NAA15: variants seen among roughly 807,000 people sequenced by gnomAD.
NAA15 encodes N-alpha-acetyltransferase 15, NatA auxiliary subunit.
Under a neutral mutation model 114.0 loss-of-function variants are expected in NAA15, and 34 were observed. The observed-to-expected ratio is 0.30, with a 90% CI of 0.23 to 0.40. The LOEUF (loss-of-function observed/expected upper bound fraction) is 0.40, where lower values mean the gene tolerates loss of function less well. Ranked by LOEUF, NAA15 falls within the 10% of genes least tolerant of loss-of-function variation. NAA15 has a pLI of 1.00. For synonymous variants in NAA15, 340 were observed against 338.0 expected (o/e 1.01, Z -0.06); for missense variants, 658 against 1,004.5 (o/e 0.66, Z 4.66).
In NAA15 at chr4:139,301,745, G is replaced by C. The variant is rs1168189900; in HGVS notation, c.-33G>C. 19 of 1,553,044 alleles carry C rather than the reference G, an allele frequency of 1.2e-5. No homozygotes were observed. The highest frequency in any genetic ancestry group is 2.4e-5 in the South Asian group (2 of 84,578). On this transcript the variant is annotated 5_prime_UTR_variant, in exon 1 of 20. Transcript: ENST00000296543. The stretch of plus-strand genomic sequence containing the variant: ...CGGACAAACTGACTGACCGAGCCGG[G>C]TGGTGGCGGGAGCAGCGGGAGCAGC...
intron 1 of NAA15, among the ~76,000 whole-genome samples, chr4:139,315,051 GTTAGTTTAGTTTAGTTTAGT>G (rs770420396): frequency 0.011 from 1,180 of 112,022 alleles, 45 homozygotes; most frequent in Non-Finnish European, 0.012. Flanking sequence ...GTTAGGTTAG[GTTAGTTTAGTTTAGTTTAGT>G]TTAGTTTTTG....
At chr4:139,343,337 T>C (rs1397548766) in intron 5 of NAA15, among the ~76,000 whole-genome samples, 2 of 152,216 alleles carry the variant, frequency 1.3e-5, no homozygotes, top group African/African-American at 4.8e-5. Context: ...TTAACACTGA[T>C]AGACTGTTAT....
intron 6 of NAA15, among the ~76,000 whole-genome samples, chr4:139,347,718 A>ATCTG (rs1179565926): frequency 6.6e-6 from 1 of 152,072 alleles, no homozygotes; most frequent in African/African-American, 2.4e-5. Context: ...CTCCATCACT[A>ATCTG]TCTGCAAGAC....
intron 11 of NAA15, among the ~76,000 whole-genome samples, chr4:139,358,686 T>G (rs540368368): frequency 6.6e-6 from 1 of 152,348 alleles, no homozygotes; most frequent in South Asian, 2.1e-4. Flanking sequence ...CTTTGCCAGA[T>G]GGACTAGTTA....
intron 17 of NAA15, among the ~76,000 whole-genome samples, chr4:139,380,629 T>C (rs1234441125): frequency 6.6e-6 from 1 of 152,190 alleles, no homozygotes; most frequent in Non-Finnish European, 1.5e-5. Flanking sequence ...TTACTGAGTA[T>C]CTATACTGGC....
intron 9 of NAA15, among the ~76,000 whole-genome samples, chr4:139,353,495 A>G (rs1056679318): frequency 1.3e-5 from 2 of 152,234 alleles, no homozygotes; most frequent in African/African-American, 4.8e-5. Flanking sequence ...GGAAGCCAGG[A>G]GCGAGTAGTA....
intron 6 of NAA15, among the ~76,000 whole-genome samples, chr4:139,348,547 G>A (rs1379321611): frequency 6.6e-6 from 1 of 151,970 alleles, no homozygotes; most frequent in Non-Finnish European, 1.5e-5. Flanking sequence ...AACAGAGAGT[G>A]AAGGATGCAA....
At chr4:139,311,056 C>A (rs1421611101) in intron 1 of NAA15, among the ~76,000 whole-genome samples, 1 of 151,414 alleles carries the variant, frequency 6.6e-6, no homozygotes, top group Non-Finnish European at 1.5e-5. Flanking sequence ...TTCTGGGTAG[C>A]TGGGACTACA....
chr4:139,324,095 G>T (rs930498744), intron 1 of NAA15, among the ~76,000 whole-genome samples: 1 of 152,034 alleles, frequency 6.6e-6, no homozygotes, highest in Non-Finnish European at 1.5e-5. Flanking sequence ...TGTTTCCCAG[G>T]GTTGTCTGGA....
intron 1 of NAA15, among the ~76,000 whole-genome samples, chr4:139,313,242 CT>C (rs1457430574): frequency 2.0e-5 from 3 of 151,762 alleles, no homozygotes; most frequent in African/African-American, 7.3e-5. Context: ...AATTCAAAAA[CT>C]TTTTTTTCCT....
intron 19 of NAA15, chr4:139,386,645 A>G (rs1262962640): frequency 6.5e-6 from 1 of 153,362 alleles, no homozygotes; most frequent in African/African-American, 2.4e-5. Flanking sequence ...AGCCAGGGCA[A>G]CATAGTGAGA....
intron 9 of NAA15, among the ~76,000 whole-genome samples, chr4:139,351,931 G>A (rs573483231): frequency 6.7e-6 from 1 of 148,760 alleles, no homozygotes; most frequent in African/African-American, 2.5e-5. Context: ...AGAAGCCAGA[G>A]TGTGCTTGTT....
chr4:139,340,189 G>A (rs1579106155), intron 3 of NAA15, among the ~76,000 whole-genome samples: 1 of 152,092 alleles, frequency 6.6e-6, no homozygotes, highest in Admixed American at 6.6e-5. Flanking sequence ...TGGCATGCTG[G>A]TGTGTGCCTG....
intron 11 of NAA15, among the ~76,000 whole-genome samples, chr4:139,359,300 G>C (rs193201008): frequency 5.3e-5 from 8 of 151,788 alleles, no homozygotes; most frequent in Non-Finnish European, 8.8e-5. Flanking sequence ...GGTTTACTTT[G>C]TATTTTTAGT....
At chr4:139,365,246 C>T (rs771829475) in intron 14 of NAA15, among the ~76,000 whole-genome samples, 3 of 152,174 alleles carry the variant, frequency 2.0e-5, no homozygotes, top group Admixed American at 6.5e-5. Flanking sequence ...CCATGTTGGT[C>T]GGGCTGGTCT....
At chr4:139,364,123 G>A (rs978221732) in intron 14 of NAA15, among the ~76,000 whole-genome samples, 2 of 152,182 alleles carry the variant, frequency 1.3e-5, no homozygotes, top group Admixed American at 6.5e-5. Context: ...TGATTCTCCT[G>A]CCTTGGTCTC....
At chr4:139,332,364 C>T (rs965505905) in intron 1 of NAA15, among the ~76,000 whole-genome samples, 8 of 151,674 alleles carry the variant, frequency 5.3e-5, no homozygotes, top group African/African-American at 1.5e-4. Flanking sequence ...CTTCTGACCT[C>T]GTGATCTGCC....
At chr4:139,351,458 A>G in intron 8 of NAA15, 47 bp from the exon 9 acceptor site, 1 of 1,216,862 alleles carries the variant, frequency 8.2e-7, no homozygotes, top group Non-Finnish European at 1.2e-6. Flanking sequence ...GGTAAATGTA[A>G]GTAAATACTT....
At position 139,384,958 on chromosome 4, in the gene NAA15, C is replaced by A; in HGVS notation, c.2282C>A (p.Ser761Ter). Reference sequence around the variant, plus strand: ...ACTTTTCTGAAAAGGAATTCTGATTCATTGCCACACAGATTATCAGGTAAT... The same window carrying A: ...ACTTTTCTGAAAAGGAATTCTGATTAATTGCCACACAGATTATCAGGTAAT... ...NETFLKRNSD[S>*]LPHRLSAAKM... The change falls in exon 18 of 20, where the codon TCA becomes TAA. Residue 761 changes from serine to a stop codon, truncating the protein, a stop_gained. Coordinates refer to ENST00000296543, the MANE Select transcript of NAA15 (RefSeq NM_057175.5). LOFTEE classifies it high-confidence loss of function. 1 of 1,560,666 alleles carries A rather than the reference C, an allele frequency of 6.4e-7. No homozygotes were observed. The highest frequency in any genetic ancestry group is 8.6e-7 in the Non-Finnish European group (1 of 1,157,428).
Sources: gnomAD v4.1 joint callset for allele counts (sites outside exome capture counted in the v4.1 genomes callset) on GRCh38, gnomAD v4.1.1 for gene constraint, MANE v1.5 for transcripts, NCBI Gene and HGNC (gene_info 2026-07-23, HGNC 2026-07-21) for gene names.